RGS5: variants seen among roughly 807,000 people sequenced by gnomAD.
RGS5 encodes the protein regulator of G-protein signalling 5.
Under a neutral mutation model 18.9 loss-of-function variants are expected in RGS5, and 20 were observed. That is an observed-to-expected ratio of 1.06 (90% CI 0.74 to 1.54). RGS5 has a LOEUF of 1.54. Among genes scored for constraint, RGS5 ranks in the 40% most tolerant of loss-of-function variants. The probability of loss-of-function intolerance (pLI) is 0.00; values close to 1 mark genes in which losing one functional copy is unlikely to be tolerated. For synonymous variants in RGS5, 57 were observed against 76.2 expected (o/e 0.75, Z 1.31); for missense variants, 201 against 211.8 (o/e 0.95, Z 0.32).
At position 163,145,045 on chromosome 1, in the gene RGS5, C is replaced by T. The variant is rs1045815818; in HGVS notation, c.*2297G>A. ...ATATCACTATAAGGCATTCCTTCTTCCATTCTTTTTATATCTCCACAGAAC... is the reference window on the plus strand; with the variant it reads ...ATATCACTATAAGGCATTCCTTCTTTCATTCTTTTTATATCTCCACAGAAC... On this transcript the variant is annotated 3_prime_UTR_variant, in exon 5 of 5. Coordinates refer to ENST00000313961, the MANE Select transcript of RGS5 (RefSeq NM_003617.4). 1.3e-5 allele frequency: 2 copies of T among 152,078 alleles called. No homozygotes were observed. The highest frequency in any genetic ancestry group is 2.4e-5 in the African/African-American group (1 of 41,416). The allele number at this position is 152,078 out of a possible 1,614,324, so 9.4% of individuals were successfully genotyped here.
intron 1 of RGS5, among the ~76,000 whole-genome samples, chr1:163,176,886 A>G (rs984780501): frequency 6.6e-6 from 1 of 152,242 alleles, no homozygotes; most frequent in African/African-American, 2.4e-5. Context: ...TCACTACAAT[A>G]TGACATGATG....
chr1:163,254,478 G>T (rs11586848), intron 2 of RGS5, among the ~76,000 whole-genome samples: 16,909 of 148,402 alleles, frequency 0.11, 1,272 homozygotes, highest in South Asian at 0.21. Flanking sequence ...TATGTCCTTC[G>T]CCCACTTTTT....
At chr1:163,226,794 G>C (rs193281716) in intron 2 of RGS5, among the ~76,000 whole-genome samples, 4 of 150,262 alleles carry the variant, frequency 2.7e-5, no homozygotes, top group African/African-American at 4.8e-5. Flanking sequence ...GGGAAAAAAG[G>C]GTTTCAAGTA....
At chr1:163,211,248 G>C (rs1305037566) in intron 1 of RGS5, 1 of 152,134 alleles carries the variant, frequency 6.6e-6, no homozygotes, top group Non-Finnish European at 1.5e-5. Flanking sequence ...GAGAGAAATG[G>C]TACGTTAACT....
chr1:163,215,863 G>T (rs1312186455), intron 1 of RGS5, among the ~76,000 whole-genome samples: 2 of 152,072 alleles, frequency 1.3e-5, no homozygotes, highest in East Asian at 3.9e-4. Flanking sequence ...CCAGAAGTTT[G>T]AGAACAGCCT....
intron 2 of RGS5, among the ~76,000 whole-genome samples, chr1:163,293,794 C>T (rs1241300143): frequency 6.6e-6 from 1 of 152,188 alleles, no homozygotes; most frequent in African/African-American, 2.4e-5. Flanking sequence ...GAGGTACAGA[C>T]ATTGGGTAAA....
intron 2 of RGS5, among the ~76,000 whole-genome samples, chr1:163,165,441 C>T (rs766277882): frequency 6.6e-6 from 1 of 152,186 alleles, no homozygotes; most frequent in Non-Finnish European, 1.5e-5. Flanking sequence ...ACAGTTATCA[C>T]AAACTAAACC....
At position 163,147,926 on chromosome 1, in the gene RGS5, T is replaced by TCTTTTTTTC. The variant is rs1553211788; in HGVS notation, c.385-424_385-423insGAAAAAAAG. Among the ~76,000 whole-genome samples, 1,024 of 125,698 alleles carry TCTTTTTTTC rather than the reference T, an allele frequency of 8.1e-3. 22 individuals are homozygous for TCTTTTTTTC. Among genetic ancestry groups the TCTTTTTTTC allele is most frequent in the African/African-American group, 0.03 (967 of 32,534 alleles). 82.5% of individuals were successfully genotyped at this position (125,698 alleles called of 152,430 possible). ...GGTGCTTTTTTCTTTTTCTTTTTTT[T>TCTTTTTTTC]TTTTTTTTTTTTTTGTTGGATAGAG... is the stretch of plus-strand genomic sequence containing the variant. On this transcript the variant is annotated intron_variant, in intron 4 of 4. Coordinates refer to ENST00000313961, the MANE Select transcript of RGS5 (RefSeq NM_003617.4).
intron 1 of RGS5, among the ~76,000 whole-genome samples, chr1:163,183,775 G>A (rs959696341): frequency 3.3e-5 from 5 of 152,156 alleles, no homozygotes; most frequent in African/African-American, 9.7e-5. Context: ...CTCCCTGAGG[G>A]AGATCTTGCT....
At chr1:163,319,398 G>A (rs2101656153) in intron 1 of RGS5, 1 of 152,350 alleles carries the variant, frequency 6.6e-6, no homozygotes, top group Non-Finnish European at 1.5e-5. Context: ...GACCACTCTG[G>A]TCACTTTCTA....
chr1:163,287,599 TA>T (rs1343871532), intron 2 of RGS5, among the ~76,000 whole-genome samples: 4 of 152,234 alleles, frequency 2.6e-5, no homozygotes, highest in Non-Finnish European at 5.9e-5. Flanking sequence ...GTTTCTGAGA[TA>T]AACTTATTAG....
intron 1 of RGS5, among the ~76,000 whole-genome samples, chr1:163,320,771 T>C (rs1440185574): frequency 6.6e-6 from 1 of 152,238 alleles, no homozygotes; most frequent in Non-Finnish European, 1.5e-5. Flanking sequence ...GAACTAATGA[T>C]ATGAAATGTA....
intron 2 of RGS5, among the ~76,000 whole-genome samples, chr1:163,289,484 A>G (rs1432561874): frequency 6.6e-6 from 1 of 152,068 alleles, no homozygotes; most frequent in African/African-American, 2.4e-5. Flanking sequence ...CAAAGGTAGG[A>G]TTCACCTTTT....
intron 2 of RGS5, among the ~76,000 whole-genome samples, chr1:163,291,947 G>T (rs951955013): frequency 6.6e-6 from 1 of 152,146 alleles, no homozygotes; most frequent in Non-Finnish European, 1.5e-5. Flanking sequence ...AACTCGTTGG[G>T]ATAAAAGGCA....
chr1:163,185,914 G>C (rs1659048221), intron 1 of RGS5, among the ~76,000 whole-genome samples: 1 of 152,010 alleles, frequency 6.6e-6, no homozygotes, highest in South Asian at 2.1e-4. Flanking sequence ...ACATTGATGG[G>C]GTTAAAACAA....
intron 2 of RGS5, among the ~76,000 whole-genome samples, chr1:163,255,730 G>A (rs1221437808): frequency 8.0e-5 from 12 of 150,646 alleles, no homozygotes; most frequent in Non-Finnish European, 1.2e-4. Context: ...CTGGCAAACC[G>A]AATCCAGCAG....
At chr1:163,218,036 GA>G (rs149864062), upstream of RGS5, among the ~76,000 whole-genome samples, 10,913 of 143,476 alleles carry the variant, frequency 0.076, 541 homozygotes, top group East Asian at 0.19. Flanking sequence ...TGACCTGCCT[GA>G]AAAAAAAAAA....
At chr1:163,306,800 A>G (rs1649713423) in intron 1 of RGS5, among the ~76,000 whole-genome samples, 1 of 152,184 alleles carries the variant, frequency 6.6e-6, no homozygotes, top group African/African-American at 2.4e-5. Context: ...TAAATCTACA[A>G]GCCAAGGAAT....
At chr1:163,152,031 A>G (rs1425408715) in intron 4 of RGS5, among the ~76,000 whole-genome samples, 1 of 152,136 alleles carries the variant, frequency 6.6e-6, no homozygotes, top group East Asian at 1.9e-4. Flanking sequence ...TGGGCATGAA[A>G]AAAGTTTTGG....
Sources: allele counts gnomAD v4.1 joint callset (sites outside exome capture counted in the v4.1 genomes callset), GRCh38; gene constraint gnomAD v4.1.1; transcripts MANE v1.5; gene names NCBI Gene and HGNC (gene_info 2026-07-23, HGNC 2026-07-21).